Variants in CNGB3 observed in about 807,000 individuals in gnomAD.
CNGB3 encodes cyclic nucleotide gated channel subunit beta 3, also known as cyclic nucleotide-gated channel beta-3.
A neutral mutation model predicts 92.8 loss-of-function variants in CNGB3; 86 were observed. That is an observed-to-expected ratio of 0.93 (90% confidence interval 0.78 to 1.11). The LOEUF (loss-of-function observed/expected upper bound fraction) is 1.11, where lower values mean the gene tolerates loss of function less well. Among genes scored for constraint, CNGB3 ranks in the 50% least tolerant of loss-of-function variants. The probability of loss-of-function intolerance (pLI) is 0.00; values close to 1 mark genes in which losing one functional copy is unlikely to be tolerated. For missense variants in CNGB3, 1,026 were observed against 956.8 expected (o/e 1.07, Z -0.95); for synonymous variants, 333 against 332.7 (o/e 1.00, Z -0.01).
chr8:86,713,252 A>C (rs1016586015), intron 3 of CNGB3, among the ~76,000 whole-genome samples: 2 of 152,156 alleles, frequency 1.3e-5, no homozygotes, highest in African/African-American at 2.4e-5. Flanking sequence ...ATTTGCTGAG[A>C]CCTACTTTAT....
intron 2 of CNGB3, among the ~76,000 whole-genome samples, chr8:86,732,051 G>T (rs1825165744): frequency 6.6e-6 from 1 of 152,142 alleles, no homozygotes; most frequent in Admixed American, 6.5e-5. Flanking sequence ...TTTAAATCAT[G>T]CAAACTACAA....
chr8:86,643,721 A>G lies in CNGB3; in HGVS notation c.1178+30T>C, dbSNP rs765650483. ...TGAAACAGAATGTTAAAAATAATCA[A>G]TAAAGGTTTCTTTCAAAATCAGAAC... is the stretch of plus-strand genomic sequence containing the variant. On this transcript the variant is annotated intron_variant, in intron 10 of 17. Transcript: ENST00000320005. 3.6e-5 allele frequency: 58 copies of G among 1,600,166 alleles called. 1 individual carries two copies. The highest frequency in any genetic ancestry group is 4.5e-5 in the Non-Finnish European group (53 of 1,170,520).
rs147374413 is a variant in CNGB3, at chr8:86,678,596, G to A, written c.339-7498C>T. Among the ~76,000 whole-genome samples, 14 of 152,218 alleles carry A rather than the reference G, an allele frequency of 9.2e-5. No homozygotes were observed. In the East Asian group the frequency reaches 1.5e-3, roughly 17 times the overall value. The stretch of plus-strand genomic sequence containing the variant: ...CTTGTTTCCACACCCCATGTTAGCC[G>A]TCTACTCTCTAGAGCATTTCTTTAG... On this transcript the variant is annotated intron_variant, in intron 3 of 17. Coordinates refer to ENST00000320005, the MANE Select transcript of CNGB3 (RefSeq NM_019098.5).
chr8:86,576,477 A>T (rs1054819352), intron 17 of CNGB3, among the ~76,000 whole-genome samples: 6 of 152,160 alleles, frequency 3.9e-5, no homozygotes, highest in African/African-American at 1.4e-4. Context: ...GTAGAGATAA[A>T]ATTTTAAATA....
rs569839471 is a variant in CNGB3 at position 86,691,042 on chromosome 8, G to C, written c.339-19944C>G. On this transcript the variant is annotated intron_variant, in intron 3 of 17. Coordinates refer to ENST00000320005, the MANE Select transcript of CNGB3 (RefSeq NM_019098.5). ...GCTTAGGATTGACTTGGCAATGCAGGCTCTTTTTTGGTTCCATATGAACTT... is the reference window on the plus strand; with the variant it reads ...GCTTAGGATTGACTTGGCAATGCAGCCTCTTTTTTGGTTCCATATGAACTT... Among the ~76,000 whole-genome samples, 13 of 152,280 alleles carry C rather than the reference G, an allele frequency of 8.5e-5. No homozygotes were observed. The East Asian group carries it at 1.3e-3, about 16-fold the overall frequency.
At chr8:86,687,442 A>G (rs1361750932) in intron 3 of CNGB3, among the ~76,000 whole-genome samples, 1 of 152,116 alleles carries the variant, frequency 6.6e-6, no homozygotes, top group African/African-American at 2.4e-5. Flanking sequence ...ACAAAAGGCC[A>G]TATATGGTAT....
intron 3 of CNGB3, among the ~76,000 whole-genome samples, chr8:86,688,155 C>T (rs990318021): frequency 1.3e-5 from 2 of 151,932 alleles, no homozygotes; most frequent in African/African-American, 2.4e-5. Flanking sequence ...TAAGAGAGGA[C>T]CACGAGAGAG....
intron 15 of CNGB3, among the ~76,000 whole-genome samples, chr8:86,596,395 C>T (rs944268990): frequency 6.6e-6 from 1 of 151,884 alleles, no homozygotes; most frequent in Non-Finnish European, 1.5e-5. Flanking sequence ...GGAATTAAAC[C>T]TCAAATAAAT....
intron 15 of CNGB3, among the ~76,000 whole-genome samples, chr8:86,584,085 C>T (rs1585946956): frequency 1.3e-5 from 2 of 152,300 alleles, no homozygotes; most frequent in East Asian, 3.9e-4. Flanking sequence ...ACAAGCTCCA[C>T]CTTTGTCAGA....
At chr8:86,717,340 T>C (rs1185521591) in intron 3 of CNGB3, among the ~76,000 whole-genome samples, 1 of 152,084 alleles carries the variant, frequency 6.6e-6, no homozygotes. Flanking sequence ...GGCAGGAGGA[T>C]CACTTGAGGT....
intron 3 of CNGB3, among the ~76,000 whole-genome samples, chr8:86,713,011 G>A (rs1369865781): frequency 6.6e-6 from 1 of 151,926 alleles, no homozygotes; most frequent in Non-Finnish European, 1.5e-5. Flanking sequence ...GAAACAGAAA[G>A]GCAAAAACAA....
At chr8:86,580,308 C>T (rs1365610993) in intron 15 of CNGB3, among the ~76,000 whole-genome samples, 2 of 152,162 alleles carry the variant, frequency 1.3e-5, no homozygotes, top group Non-Finnish European at 2.9e-5. Flanking sequence ...AAAGCCAAAC[C>T]ATGTCAGTTG....
chr8:86,648,507 G>T (rs1450123173), intron 7 of CNGB3, among the ~76,000 whole-genome samples: 2 of 151,122 alleles, frequency 1.3e-5, no homozygotes, highest in African/African-American at 2.4e-5. Flanking sequence ...ATGGGAGAAG[G>T]TATTGAAAAT....
intron 7 of CNGB3, among the ~76,000 whole-genome samples, chr8:86,652,342 TA>T (rs1238793007): frequency 6.6e-6 from 1 of 152,038 alleles, no homozygotes; most frequent in Non-Finnish European, 1.5e-5. Flanking sequence ...TACTGTACAC[TA>T]CTGTAGACTT....
chr8:86,596,059 T>C (rs928683675), intron 15 of CNGB3, among the ~76,000 whole-genome samples: 1 of 152,174 alleles, frequency 6.6e-6, no homozygotes, highest in Non-Finnish European at 1.5e-5. Context: ...GAAAAAAGGA[T>C]GGTGAACAAT....
At position 86,667,076 on chromosome 8, in the gene CNGB3, C is replaced by T. The variant is rs766852205; in HGVS notation, c.701G>A (p.Cys234Tyr). 2 of 1,614,006 alleles carry T rather than the reference C, an allele frequency of 1.2e-6. No individual in the cohort carries two copies. The highest frequency in any genetic ancestry group is 1.7e-5 in the Admixed American group (1 of 60,008). ...GAAGACGAGGCGCAGTGGTATAAAA[C>T]AGCAGTTCCAGTTATAGGCAAGAGT... ...LVTLAYNWNCCFIPLRLVFPY... is the reference protein window; with the variant it reads ...LVTLAYNWNCYFIPLRLVFPY... Residue 234 changes from cysteine (C) to tyrosine (Y), a missense_variant, in exon 6 of 18, where the codon TGT (cysteine) becomes TAT (tyrosine). Physicochemically the swap from Cys to Tyr is radical, Grantham distance 194. Transcript: ENST00000320005.
chr8:86,693,530 G>C (rs1698948867), intron 3 of CNGB3, among the ~76,000 whole-genome samples: 3 of 150,120 alleles, frequency 2.0e-5, no homozygotes, highest in African/African-American at 7.3e-5. Flanking sequence ...ATAGTGGAGG[G>C]AAGGTCAGCA....
chr8:86,604,279 A>G, intron 14 of CNGB3, 68 bp from the exon 15 acceptor site: 2 of 1,023,260 alleles, frequency 2.0e-6, no homozygotes, highest in South Asian at 1.4e-5. Context: ...TAAATTAAGA[A>G]ATATAAATTC....
chr8:86,718,615 T>A (rs1012044500), intron 3 of CNGB3, among the ~76,000 whole-genome samples: 1 of 152,150 alleles, frequency 6.6e-6, no homozygotes, highest in Non-Finnish European at 1.5e-5. Flanking sequence ...ACCAATCCTA[T>A]TGACACTATT....
Sources: gnomAD v4.1 joint callset for allele counts (sites outside exome capture counted in the v4.1 genomes callset) on GRCh38, gnomAD v4.1.1 for gene constraint, MANE v1.5 for transcripts, NCBI Gene and HGNC (gene_info 2026-07-23, HGNC 2026-07-21) for gene names.